METTL8: variants seen among roughly 807,000 people sequenced by gnomAD.
METTL8 encodes methyltransferase 8, tRNA N3-cytidine, also known as tRNA N(3)-cytidine methyltransferase METTL8, mitochondrial.
Under a neutral mutation model 48.7 loss-of-function variants are expected in METTL8, and 32 were observed. That is an observed-to-expected ratio of 0.66 (90% CI 0.50 to 0.88). The LOEUF is 0.88. Among genes scored for constraint, METTL8 ranks in the 40% least tolerant of loss-of-function variants. The pLI, the probability that METTL8 is intolerant of heterozygous loss-of-function variation, is 0.00. For missense variants in METTL8, 464 were observed against 474.4 expected (o/e 0.98, Z 0.20); for synonymous variants, 136 against 157.1 (o/e 0.87, Z 1.01).
At chr2:171,328,245 ATTG>A (rs1179692452) in intron 7 of METTL8, among the ~76,000 whole-genome samples, 1 of 152,084 alleles carries the variant, frequency 6.6e-6, no homozygotes, top group African/African-American at 2.4e-5. Context: ...TAAAAAATGT[ATTG>A]ACTGCCTGCT....
At chr2:171,434,502 C>T (rs1693639025), upstream of METTL8, 2 of 1,521,732 alleles carry the variant, frequency 1.3e-6, no homozygotes, top group African/African-American at 1.4e-5. Context: ...TCGAAGGCAG[C>T]GGCGGCTGCC....
At chr2:171,408,641 T>C (rs886931738) in intron 1 of METTL8, among the ~76,000 whole-genome samples, 1 of 151,966 alleles carries the variant, frequency 6.6e-6, no homozygotes, top group Non-Finnish European at 1.5e-5. Flanking sequence ...TATCCCTAAG[T>C]AGGGCAGAGT....
chr2:171,370,324 G>A (rs1002034208), intron 2 of METTL8, among the ~76,000 whole-genome samples: 2 of 151,974 alleles, frequency 1.3e-5, no homozygotes, highest in Admixed American at 6.6e-5. Context: ...ATGCTCACAT[G>A]TACTTCCTCC....
At chr2:171,381,677 T>A (rs527624758) in intron 2 of METTL8, among the ~76,000 whole-genome samples, 26 of 151,830 alleles carry the variant, frequency 1.7e-4, no homozygotes, top group African/African-American at 6.3e-4. Context: ...TTTAGTGAAA[T>A]GCAAATCAAA....
chr2:171,319,640 C>T lies in METTL8; in HGVS notation c.*4532G>A, dbSNP rs1272913553. On this transcript the variant is annotated 3_prime_UTR_variant, in exon 10 of 10. Transcript: ENST00000375258. ...ACAAAGCATATGGAATCGAGAGAGG[C>T]AAAGCAAATAAGTTCTCAGAAGTCA... 6.6e-6 allele frequency: 1 copy of T among 152,162 alleles called. No homozygotes were observed. Among genetic ancestry groups the T allele is most frequent in the Non-Finnish European group, 1.5e-5 (1 of 68,038 alleles). The allele number at this position is 152,162 out of a possible 1,614,324, so 9.4% of individuals were successfully genotyped here. A position where few individuals can be genotyped will look rare whatever the true frequency, so the allele number is the denominator to read the frequency against.
intron 1 of METTL8, among the ~76,000 whole-genome samples, chr2:171,410,223 T>C (rs984430564): frequency 4.6e-5 from 7 of 152,202 alleles, no homozygotes; most frequent in African/African-American, 1.7e-4. Context: ...TATAGGAACA[T>C]TTTAAATGGT....
chr2:171,401,823 C>A (rs982935132), intron 1 of METTL8, among the ~76,000 whole-genome samples: 1 of 116,982 alleles, frequency 8.5e-6, no homozygotes, highest in Non-Finnish European at 1.7e-5. Flanking sequence ...AACAGGTAAA[C>A]CAATGATAGT....
chr2:171,372,665 G>GACGTTCCCCTTCCTGTGTGCA (rs528054732), intron 2 of METTL8, among the ~76,000 whole-genome samples: 131 of 152,172 alleles, frequency 8.6e-4, no homozygotes, highest in African/African-American at 2.9e-3. Context: ...CCCGGTGTGT[G>GACGTTCCCCTTCCTGTGTGCA]ACGTTCCCCT....
At chr2:171,417,464 A>G (rs1017246241) in intron 1 of METTL8, among the ~76,000 whole-genome samples, 1 of 152,194 alleles carries the variant, frequency 6.6e-6, no homozygotes, top group African/African-American at 2.4e-5. Flanking sequence ...TCCAAGTCAT[A>G]CACATGCACA....
At chr2:171,371,421 A>G (rs1337461374) in intron 2 of METTL8, among the ~76,000 whole-genome samples, 2 of 152,176 alleles carry the variant, frequency 1.3e-5, no homozygotes, top group Non-Finnish European at 2.9e-5. Flanking sequence ...CTGTGGCACC[A>G]TCTCGGTTCA....
chr2:171,385,971 T>A (rs1305922211), intron 2 of METTL8, among the ~76,000 whole-genome samples: 1 of 152,212 alleles, frequency 6.6e-6, no homozygotes, highest in Admixed American at 6.5e-5. Flanking sequence ...AAGAGCCTTT[T>A]CAAGTTAGAA....
intron 1 of METTL8, among the ~76,000 whole-genome samples, chr2:171,409,072 A>G (rs1011493539): frequency 5.3e-5 from 8 of 152,210 alleles, no homozygotes; most frequent in African/African-American, 1.4e-4. Context: ...TAATTTACCA[A>G]TGAAGCAGGA....
Position 171,325,394 on chromosome 2 carries a change from T to G in METTL8, c.1033+447A>C, listed in dbSNP as rs112967734. Among the ~76,000 whole-genome samples, 355 of 152,252 alleles carry G rather than the reference T, an allele frequency of 2.3e-3. 7 individuals carry two copies. In the East Asian group the frequency reaches 0.029, roughly 12 times the overall value. ...TGTAGAGACAGAGTCTCATTTTGTT[T>G]TCTAGGCTGGTCTCAAATTCCTGGC... On this transcript the variant is annotated intron_variant, in intron 9 of 9. Transcript: ENST00000375258.
At chr2:171,371,076 C>T (rs1212087850) in intron 2 of METTL8, among the ~76,000 whole-genome samples, 1 of 152,102 alleles carries the variant, frequency 6.6e-6, no homozygotes, top group African/African-American at 2.4e-5. Flanking sequence ...AAAGAAAAAA[C>T]ATTTTCAGCT....
rs1406743191 is a variant in METTL8, at chr2:171,330,531, TCC to T, written c.860+26_860+27del. 8.1e-6 allele frequency: 13 copies of T among 1,603,704 alleles called. No homozygotes were observed. The African/African-American group carries it at 1.7e-4, about 22-fold the overall frequency. ...ACTACTGATAAAGGAGCTTTACACA[TCC>T]ACTTTGCCCTTTCGTCTTCATTTAC... On this transcript the variant is annotated intron_variant, in intron 7 of 9. Transcript: ENST00000375258.
At chr2:171,411,611 G>C (rs1197536123) in intron 1 of METTL8, among the ~76,000 whole-genome samples, 1 of 152,198 alleles carries the variant, frequency 6.6e-6, no homozygotes, top group South Asian at 2.1e-4. Flanking sequence ...TAAGAAAAGG[G>C]CCACCCGTTT....
chr2:171,400,860 G>A (rs1194242602), intron 1 of METTL8, among the ~76,000 whole-genome samples: 3 of 152,080 alleles, frequency 2.0e-5, no homozygotes, highest in Non-Finnish European at 4.4e-5. Flanking sequence ...AATCTATAAC[G>A]ATTATCCTTG....
chr2:171,406,674 T>G (rs1368281337), intron 1 of METTL8, among the ~76,000 whole-genome samples: 1 of 152,174 alleles, frequency 6.6e-6, no homozygotes, highest in Admixed American at 6.5e-5. Flanking sequence ...CATTGTGGGG[T>G]AGGCCTTCAG....
In METTL8 at chr2:171,357,046, G is replaced by A. The variant is rs143955630; in HGVS notation, c.235+3376C>T. Reference sequence around the variant, plus strand: ...GATCTTGGCTCACTGCAACCTCTGTGTCCTGGGTTCAAGTGATTCTCCCAC... The same window carrying A: ...GATCTTGGCTCACTGCAACCTCTGTATCCTGGGTTCAAGTGATTCTCCCAC... On this transcript the variant is annotated intron_variant, in intron 3 of 9. Coordinates refer to ENST00000375258, the MANE Select transcript of METTL8 (RefSeq NM_001321154.2). 6.5e-3 allele frequency among the ~76,000 whole-genome samples: 945 copies of A among 145,212 alleles called. 6 individuals are homozygous for A. The highest frequency in any genetic ancestry group is 0.021 in the African/African-American group (844 of 39,300).
Sources: allele counts gnomAD v4.1 joint callset (sites outside exome capture counted in the v4.1 genomes callset), GRCh38; gene constraint gnomAD v4.1.1; transcripts MANE v1.5; gene names NCBI Gene and HGNC (gene_info 2026-07-23, HGNC 2026-07-21).